The following WWOX variants were observed in gnomAD, a reference collection of about 807,000 sequenced individuals.
WWOX encodes the protein WW domain-containing oxidoreductase.
WWOX carries 69 observed loss-of-function variants against 46.2 expected under a neutral mutation model. The ratio of observed to expected loss-of-function variants is 1.49; its 90% CI spans 1.23 to 1.82. The LOEUF (loss-of-function observed/expected upper bound fraction) is 1.82, where lower values mean the gene tolerates loss of function less well. WWOX is among the 40% of genes most tolerant of loss of function. The pLI, the probability that WWOX is intolerant of heterozygous loss-of-function variation, is 0.00. For missense variants in WWOX, 919 were observed against 542.6 expected, an observed-to-expected ratio of 1.69 and a Z score of -6.89; for synonymous variants, 359 against 202.6, an observed-to-expected ratio of 1.77 and a Z score of -6.56.
chr16:79,082,206 C>T (rs560772403), intron 8 of WWOX, among the ~76,000 whole-genome samples: 2 of 152,252 alleles, frequency 1.3e-5, no homozygotes, highest in African/African-American at 4.8e-5. Flanking sequence ...CAAGATTCAG[C>T]AAAATTAAAA....
At chr16:78,737,820 A>G (rs1011796172) in intron 8 of WWOX, among the ~76,000 whole-genome samples, 2 of 152,156 alleles carry the variant, frequency 1.3e-5, no homozygotes, top group Non-Finnish European at 1.5e-5. Context: ...AGAAGCCTGT[A>G]AACTCTGGAG....
chr16:78,793,972 C>G (rs1408331549), intron 8 of WWOX, among the ~76,000 whole-genome samples: 1 of 151,992 alleles, frequency 6.6e-6, no homozygotes, highest in Admixed American at 6.6e-5. Flanking sequence ...TCAGAAAGAC[C>G]CATGCCATAT....
chr16:78,123,435 G>GTTTTCTTTTTTTTTTTTTTTT (rs200594331), intron 4 of WWOX: 1 of 48,722 alleles, frequency 2.1e-5, no homozygotes, highest in African/African-American at 7.6e-5. Context: ...TTTGTTTTTT[G>GTTTTCTTTTTTTTTTTTTTTT]TTTTGTTTTT....
intron 6 of WWOX, among the ~76,000 whole-genome samples, chr16:78,390,599 T>G (rs188309275): frequency 3.3e-5 from 5 of 152,268 alleles, no homozygotes; most frequent in Admixed American, 1.3e-4. Flanking sequence ...AGCGAGAGAT[T>G]TTACTTTTGA....
intron 8 of WWOX, among the ~76,000 whole-genome samples, chr16:78,969,214 G>T (rs932561075): frequency 5.9e-5 from 9 of 151,700 alleles, no homozygotes; most frequent in African/African-American, 2.2e-4. Flanking sequence ...CTACCTCAGG[G>T]GACAAAGTCA....
intron 8 of WWOX, among the ~76,000 whole-genome samples, chr16:78,579,841 C>G (rs2045003601): frequency 2.0e-5 from 3 of 152,280 alleles, no homozygotes; most frequent in African/African-American, 7.2e-5. Flanking sequence ...GGAAATGTCT[C>G]TTCTTCTGAA....
chr16:79,042,818 CCAAAA>C (rs1437525759), intron 8 of WWOX, among the ~76,000 whole-genome samples: 2 of 150,388 alleles, frequency 1.3e-5, no homozygotes, highest in Non-Finnish European at 2.9e-5. Context: ...CATGCAAGTA[CCAAAA>C]CAAAACAAGA....
At chr16:78,658,182 C>G (rs1350405566) in intron 8 of WWOX, among the ~76,000 whole-genome samples, 1 of 152,170 alleles carries the variant, frequency 6.6e-6, no homozygotes, top group African/African-American at 2.4e-5. Flanking sequence ...CCAGATACCC[C>G]TGGGGAACAA....
At chr16:78,186,146 A>T (rs1352488595) in intron 5 of WWOX, among the ~76,000 whole-genome samples, 1 of 152,168 alleles carries the variant, frequency 6.6e-6, no homozygotes, top group Non-Finnish European at 1.5e-5. Context: ...ATCTTAATTA[A>T]CATTTTTATA....
At chr16:78,552,718 C>G (rs186182035) in intron 8 of WWOX, 54 of 152,364 alleles carry the variant, frequency 3.5e-4, no homozygotes, top group African/African-American at 1.3e-3. Context: ...TTTTAAGTAA[C>G]TTATCATTTG....
intron 8 of WWOX, among the ~76,000 whole-genome samples, chr16:78,993,426 G>A (rs1164396287): frequency 6.6e-6 from 1 of 152,132 alleles, no homozygotes; most frequent in South Asian, 2.1e-4. Context: ...CTCTCCTCTC[G>A]GACATGACAG....
intron 8 of WWOX, among the ~76,000 whole-genome samples, chr16:78,907,911 G>A (rs2045008145): frequency 6.6e-6 from 1 of 152,180 alleles, no homozygotes; most frequent in East Asian, 1.9e-4. Context: ...CCAACTGCAA[G>A]GGGCTTTGGT....
intron 8 of WWOX, among the ~76,000 whole-genome samples, chr16:78,716,269 C>T (rs1464140693): frequency 6.6e-6 from 1 of 151,982 alleles, no homozygotes; most frequent in Admixed American, 6.6e-5. Context: ...TCTGGGACTG[C>T]CAGAAGCTCC....
chr16:78,462,426 C>T (rs2083973992), intron 8 of WWOX, among the ~76,000 whole-genome samples: 1 of 152,274 alleles, frequency 6.6e-6, no homozygotes, highest in Middle Eastern at 3.4e-3. Context: ...CGCTAATTTG[C>T]AGCGCACTTG....
chr16:78,829,688 G>T (rs1030931529), intron 8 of WWOX, among the ~76,000 whole-genome samples: 2 of 152,042 alleles, frequency 1.3e-5, no homozygotes, highest in African/African-American at 4.8e-5. Context: ...GTCTCATTCA[G>T]TTCCCCTAAC....
At chr16:78,107,162 T>C (rs1319043657) in intron 1 of WWOX, among the ~76,000 whole-genome samples, 1 of 152,220 alleles carries the variant, frequency 6.6e-6, no homozygotes, top group Non-Finnish European at 1.5e-5. Context: ...CTTTCTGGGT[T>C]GGCATGAGTA....
chr16:79,158,633 C>T (rs1184978281), intron 8 of WWOX, among the ~76,000 whole-genome samples: 3 of 152,232 alleles, frequency 2.0e-5, no homozygotes, highest in East Asian at 1.9e-4. Flanking sequence ...AGGGCCTTCA[C>T]CTTCAGCCTC....
At chr16:79,106,788 T>A (rs1361215709) in intron 8 of WWOX, 1 of 150,306 alleles carries the variant, frequency 6.7e-6, no homozygotes, top group African/African-American at 2.4e-5. Context: ...CCAGATAATT[T>A]TTTTTTAACT....
At chr16:79,112,037 T>C (rs2049426927) in intron 8 of WWOX, among the ~76,000 whole-genome samples, 1 of 152,080 alleles carries the variant, frequency 6.6e-6, no homozygotes, top group Non-Finnish European at 1.5e-5. Flanking sequence ...TCCCCAGCCA[T>C]ACCTCAATGT....
Sources: allele counts gnomAD v4.1 joint callset (sites outside exome capture counted in the v4.1 genomes callset), GRCh38; gene constraint gnomAD v4.1.1; transcripts MANE v1.5; gene names NCBI Gene and HGNC (gene_info 2026-07-23, HGNC 2026-07-21).